Variants in EGF observed in about 807,000 individuals in gnomAD.
EGF encodes pro-epidermal growth factor.
EGF carries 95 observed loss-of-function variants against 143.8 expected under a neutral mutation model. The observed-to-expected ratio is 0.66, with a 90% CI of 0.56 to 0.78. The LOEUF (loss-of-function observed/expected upper bound fraction) is 0.78, where lower values mean the gene tolerates loss of function less well. EGF is among the 30% of genes least tolerant of loss of function. The pLI is 0.00. For synonymous variants in EGF, 510 were observed against 510.5 expected, an observed-to-expected ratio of 1.00 and a Z score of 0.01; for missense variants, 1,320 against 1,470.9, an observed-to-expected ratio of 0.90 and a Z score of 1.68.
intron 10 of EGF, among the ~76,000 whole-genome samples, chr4:109,965,598 A>G (rs1344739349): frequency 6.6e-6 from 1 of 152,162 alleles, no homozygotes; most frequent in African/African-American, 2.4e-5. Flanking sequence ...CAACAAGTGA[A>G]TGTGGAGACC....
At position 109,961,881 on chromosome 4, in the gene EGF, G is replaced by A. The variant is rs377385617; in HGVS notation, c.1208G>A (p.Arg403His). ...KRCHQLVSCP[R>H]NVSECSHDCV... Reference sequence around the variant, plus strand: ...TAATTAGAACTTGTTTCCTGTCCACGCAATGTGTCTGAATGCAGCCATGAC... The same window carrying A: ...TAATTAGAACTTGTTTCCTGTCCACACAATGTGTCTGAATGCAGCCATGAC... Residue 403 changes from arginine to histidine, a missense_variant, in exon 8 of 24, where the codon CGC becomes CAC. Transcript: ENST00000265171. 1.1e-5 allele frequency: 17 copies of A among 1,613,630 alleles called. No individual in the cohort carries two copies. Among genetic ancestry groups the A allele is most frequent in the South Asian group, 2.2e-5 (2 of 91,082 alleles).
chr4:109,956,394 A>G (rs1039317002), intron 5 of EGF, among the ~76,000 whole-genome samples: 5 of 152,210 alleles, frequency 3.3e-5, no homozygotes, highest in Non-Finnish European at 7.3e-5. Context: ...TTATCTCAAG[A>G]AAGTGTAGCA....
intron 8 of EGF, 109 bp from the exon 9 acceptor site, chr4:109,963,064 C>CAAAA (rs61309548): frequency 1.5e-5 from 17 of 1,120,018 alleles, no homozygotes; most frequent in African/African-American, 1.1e-4. Context: ...AACTCCATCT[C>CAAAA]AAAAAAAAAA....
chr4:109,912,966 C>T lies in EGF; in HGVS notation c.-370C>T, dbSNP rs1560612478. The T allele has an allele frequency of 8.1e-6, 2 of 245,788 alleles. No homozygotes were observed. Among genetic ancestry groups the T allele is most frequent in the Non-Finnish European group, 1.6e-5 (2 of 124,624 alleles). 15.2% of individuals were successfully genotyped at this position (245,788 alleles called of 1,614,324 possible). On this transcript the variant is annotated 5_prime_UTR_variant, in exon 1 of 24. Transcript: ENST00000265171. ...ATCCAAGGGTTGTAGCTGGAACTTT[C>T]CATCAGTTCTTCCTTTCTTTTTCCT... is the stretch of plus-strand genomic sequence containing the variant.
At chr4:109,981,329 G>T (rs1353141413) in intron 15 of EGF, among the ~76,000 whole-genome samples, 1 of 152,170 alleles carries the variant, frequency 6.6e-6, no homozygotes, top group Admixed American at 6.5e-5. Flanking sequence ...AATTTTAGAG[G>T]TAGTAGTATA....
intron 20 of EGF, 43 bp from the exon 21 acceptor site, chr4:109,999,636 T>C (rs746506072): frequency 1.2e-6 from 2 of 1,613,868 alleles, no homozygotes; most frequent in South Asian, 1.1e-5. Flanking sequence ...TCAGCGTTTT[T>C]GGCCAGGCAT....
At chr4:109,964,846 C>T (rs1055100554) in intron 10 of EGF, among the ~76,000 whole-genome samples, 3 of 152,134 alleles carry the variant, frequency 2.0e-5, no homozygotes, top group Non-Finnish European at 4.4e-5. Flanking sequence ...CAGTGTCATG[C>T]ATATAGAAGG....
chr4:109,913,760 A>G (rs943117762), intron 1 of EGF, among the ~76,000 whole-genome samples: 1 of 152,032 alleles, frequency 6.6e-6, no homozygotes, highest in African/African-American at 2.4e-5. Context: ...TGACAAGAGG[A>G]GTAATTAACA....
intron 10 of EGF, among the ~76,000 whole-genome samples, chr4:109,967,151 T>C (rs932692684): frequency 3.9e-5 from 6 of 152,220 alleles, no homozygotes; most frequent in Non-Finnish European, 7.3e-5. Flanking sequence ...TTTTAGTTCT[T>C]CTTCTAGGAT....
intron 1 of EGF, among the ~76,000 whole-genome samples, chr4:109,939,284 A>C (rs1019914759): frequency 6.6e-6 from 1 of 152,128 alleles, no homozygotes; most frequent in African/African-American, 2.4e-5. Flanking sequence ...AGCATCCCAG[A>C]TCGATCTCAG....
intron 21 of EGF, among the ~76,000 whole-genome samples, chr4:110,001,233 G>T (rs960258796): frequency 6.6e-6 from 1 of 152,160 alleles, no homozygotes; most frequent in African/African-American, 2.4e-5. Context: ...AGATTAATTG[G>T]GTTAACCTAA....
intron 20 of EGF, among the ~76,000 whole-genome samples, chr4:109,995,406 G>A (rs1050991049): frequency 6.6e-6 from 1 of 152,076 alleles, no homozygotes; most frequent in Non-Finnish European, 1.5e-5. Flanking sequence ...TTGTTGTTCA[G>A]TAACAATTGC....
intron 11 of EGF, among the ~76,000 whole-genome samples, chr4:109,973,166 G>T (rs1429379681): frequency 6.6e-6 from 1 of 152,108 alleles, no homozygotes. Context: ...TGCTCCTGAA[G>T]GGGGCAGGGA....
intron 7 of EGF, 120 bp downstream of exon 7, chr4:109,961,109 A>G: frequency 8.4e-7 from 1 of 1,187,570 alleles, no homozygotes; most frequent in Non-Finnish European, 1.2e-6. Flanking sequence ...ATTACCTTTG[A>G]GTTTTATTTT....
intron 1 of EGF, among the ~76,000 whole-genome samples, chr4:109,919,309 C>A (rs914788661): frequency 2.1e-5 from 3 of 145,938 alleles, no homozygotes. Context: ...CTCTCTCTCT[C>A]TCTCTCTCTC....
At position 109,993,234 on chromosome 4, in the gene EGF, T is replaced by C. The variant is rs747350160; in HGVS notation, c.2735-13T>C. On this transcript the variant is annotated splice_polypyrimidine_tract_variant and intron_variant, in intron 18 of 23. Transcript: ENST00000265171. ...CCCCACTTTTCTCTCCCGTACTCTG[T>C]CTTTTCTGACAGATATTGATGAGTG... The C allele has an allele frequency of 6.2e-7, 1 of 1,613,542 alleles. No homozygotes were observed.
chr4:109,925,171 G>C (rs1449083664), intron 1 of EGF, among the ~76,000 whole-genome samples: 1 of 152,182 alleles, frequency 6.6e-6, no homozygotes, highest in East Asian at 1.9e-4. Flanking sequence ...TGTTCTTCCT[G>C]CTTCCTGTTG....
chr4:109,927,008 C>G (rs954686176), intron 1 of EGF, among the ~76,000 whole-genome samples: 3 of 152,188 alleles, frequency 2.0e-5, no homozygotes, highest in African/African-American at 7.2e-5. Context: ...TTAAAAAAAT[C>G]TTCCAAATAC....
chr4:109,970,751 G>T (rs1319668571), intron 11 of EGF, among the ~76,000 whole-genome samples: 2 of 146,786 alleles, frequency 1.4e-5, no homozygotes, highest in Non-Finnish European at 3.0e-5. Flanking sequence ...CGTGAACCTG[G>T]AAGGCGGAGC....
Sources: allele counts gnomAD v4.1 joint callset (sites outside exome capture counted in the v4.1 genomes callset), GRCh38; gene constraint gnomAD v4.1.1; transcripts MANE v1.5; gene names NCBI Gene and HGNC (gene_info 2026-07-23, HGNC 2026-07-21).